The following ARHGAP44 variants were observed in gnomAD, a reference collection of about 807,000 sequenced individuals.
ARHGAP44 encodes Rho GTPase activating protein 44, also known as rho GTPase-activating protein 44.
Under a neutral mutation model 106.8 loss-of-function variants are expected in ARHGAP44, and 43 were observed. The observed-to-expected ratio is 0.40, with a 90% CI of 0.32 to 0.52. The LOEUF (loss-of-function observed/expected upper bound fraction) is 0.52, where lower values mean the gene tolerates loss of function less well. Among genes scored for constraint, ARHGAP44 ranks in the 20% least tolerant of loss-of-function variants. The pLI is 0.48. For synonymous variants in ARHGAP44, 439 were observed against 410.3 expected (o/e 1.07, Z -0.85); for missense variants, 866 against 1,050.5 (o/e 0.82, Z 2.43).
intron 1 of ARHGAP44, among the ~76,000 whole-genome samples, chr17:12,822,590 G>A (rs1477528385): frequency 6.6e-6 from 1 of 152,198 alleles, no homozygotes; most frequent in African/African-American, 2.4e-5. Context: ...AGTCTAGAAT[G>A]CAAGCCATTG....
At chr17:12,851,435 C>T (rs2035736110) in intron 1 of ARHGAP44, among the ~76,000 whole-genome samples, 1 of 145,082 alleles carries the variant, frequency 6.9e-6, no homozygotes, top group African/African-American at 2.7e-5. Context: ...CTCACTGCTC[C>T]ATGACACATG....
At chr17:12,888,064 T>C (rs2036934106) in intron 1 of ARHGAP44, among the ~76,000 whole-genome samples, 2 of 152,034 alleles carry the variant, frequency 1.3e-5, no homozygotes, top group Admixed American at 1.3e-4. Context: ...AACTCGCTCT[T>C]TGAGTTTCTT....
intron 10 of ARHGAP44, among the ~76,000 whole-genome samples, chr17:12,944,652 A>ATTTT (rs5819393): frequency 1.5e-5 from 2 of 137,456 alleles, no homozygotes; most frequent in Admixed American, 7.3e-5. Flanking sequence ...CGCCCAGCTA[A>ATTTT]TTTTTTTTTT....
intron 12 of ARHGAP44, among the ~76,000 whole-genome samples, chr17:12,952,091 G>A (rs1186906331): frequency 6.6e-6 from 1 of 152,124 alleles, no homozygotes; most frequent in Admixed American, 6.6e-5. Flanking sequence ...CAAGATAGCC[G>A]GAAACTCAAA....
chr17:12,805,801 G>C lies in ARHGAP44; in HGVS notation c.53+15910G>C, dbSNP rs189689637. ...CAGTACCTGTGGAAGGGAGTGAAAA[G>C]AAGCAGGACTAGGCAGAGGGAGTTG... On this transcript the variant is annotated intron_variant, in intron 1 of 20. Coordinates refer to ENST00000379672, the MANE Select transcript of ARHGAP44 (RefSeq NM_014859.6). Among the ~76,000 whole-genome samples the C allele has an allele frequency of 1.5e-4, 23 of 152,330 alleles. 1 individual carries two copies. Among genetic ancestry groups the C allele is most frequent in the Admixed American group, 1.2e-3 (18 of 15,302 alleles).
At chr17:12,978,870 G>T (rs1436874769) in intron 18 of ARHGAP44, among the ~76,000 whole-genome samples, 1 of 151,964 alleles carries the variant, frequency 6.6e-6, no homozygotes, top group Non-Finnish European at 1.5e-5. Flanking sequence ...TGCATTTTTA[G>T]TGTAGACAGG....
intron 1 of ARHGAP44, among the ~76,000 whole-genome samples, chr17:12,837,588 G>A (rs1328142189): frequency 6.6e-6 from 1 of 151,944 alleles, no homozygotes; most frequent in Non-Finnish European, 1.5e-5. Flanking sequence ...GTCATGGGGA[G>A]GGTAACTGCA....
chr17:12,986,834 T>G, intron 20 of ARHGAP44: 1 of 393,432 alleles, frequency 2.5e-6, no homozygotes, highest in East Asian at 3.9e-5. Flanking sequence ...GTGGCTCATG[T>G]TCCATCTTGC....
chr17:12,954,136 G>C (rs1395790552), intron 13 of ARHGAP44, among the ~76,000 whole-genome samples: 1 of 151,538 alleles, frequency 6.6e-6, no homozygotes, highest in Non-Finnish European at 1.5e-5. Flanking sequence ...GGCCACAGGT[G>C]ATCCGCCCGC....
chr17:12,914,067 A>G (rs2150947459), intron 4 of ARHGAP44, among the ~76,000 whole-genome samples: 1 of 152,058 alleles, frequency 6.6e-6, no homozygotes, highest in East Asian at 1.9e-4. Context: ...AAGAGTGAAA[A>G]TCTGCCTTCA....
intron 16 of ARHGAP44, among the ~76,000 whole-genome samples, chr17:12,960,311 T>C (rs1433258114): frequency 6.6e-6 from 1 of 152,140 alleles, no homozygotes; most frequent in Non-Finnish European, 1.5e-5. Context: ...GGCTCACGCC[T>C]ATAATCCCAA....
Position 12,825,525 on chromosome 17 carries a change from G to A in ARHGAP44, c.53+35634G>A, listed in dbSNP as rs80332923. ...TTGTTAAGCTTGAAATCTGCCGGGC[G>A]AGTGGCAGGCTGGAGACCCAAGGGA... On this transcript the variant is annotated intron_variant, in intron 1 of 20. Coordinates refer to ENST00000379672, the MANE Select transcript of ARHGAP44 (RefSeq NM_014859.6). Among the ~76,000 whole-genome samples, 771 of 152,096 alleles carry A rather than the reference G, an allele frequency of 5.1e-3. 8 individuals carry two copies. Among genetic ancestry groups the A allele is most frequent in the African/African-American group, 0.018 (729 of 41,512 alleles).
chr17:12,868,718 C>T (rs974579750), intron 1 of ARHGAP44, among the ~76,000 whole-genome samples: 8 of 149,140 alleles, frequency 5.4e-5, no homozygotes, highest in Admixed American at 2.0e-4. Context: ...AGTGCAATGG[C>T]GCGATCTTGG....
intron 5 of ARHGAP44, 110 bp downstream of exon 5, chr17:12,916,121 A>G: frequency 2.3e-6 from 2 of 858,640 alleles, no homozygotes; most frequent in Non-Finnish European, 3.6e-6. Context: ...CCTTCTCCCC[A>G]ACATTGTTTT....
At chr17:12,857,716 A>G (rs8081426) in intron 1 of ARHGAP44, among the ~76,000 whole-genome samples, 87,312 of 152,048 alleles carry the variant, frequency 0.57, 28,203 homozygotes, top group Non-Finnish European at 0.71. Context: ...CGTATTTTCC[A>G]TAACAGGATA....
chr17:12,978,578 A>G (rs2143390685), intron 18 of ARHGAP44, among the ~76,000 whole-genome samples: 1 of 152,178 alleles, frequency 6.6e-6, no homozygotes, highest in East Asian at 1.9e-4. Context: ...ACCTCAGTGG[A>G]CGAGAGTGCT....
At chr17:12,789,926 C>G (rs1298248148) in intron 1 of ARHGAP44, 35 bp downstream of exon 1, 1 of 1,498,710 alleles carries the variant, frequency 6.7e-7, no homozygotes, top group Admixed American at 2.4e-5. Flanking sequence ...TCGGTGCGCG[C>G]CCGCGAGGCT....
At chr17:12,921,368 C>T (rs1447465133) in intron 6 of ARHGAP44, among the ~76,000 whole-genome samples, 2 of 151,930 alleles carry the variant, frequency 1.3e-5, no homozygotes, top group African/African-American at 4.8e-5. Context: ...AATTTTGAGA[C>T]AGGATCTCAC....
intron 1 of ARHGAP44, among the ~76,000 whole-genome samples, chr17:12,861,566 T>C (rs12946355): frequency 0.6 from 89,636 of 148,848 alleles, 28,173 homozygotes; most frequent in Non-Finnish European, 0.68. Context: ...CACTGGGTTG[T>C]GCTGTCCTCA....
Sources: gnomAD v4.1 joint callset for allele counts (sites outside exome capture counted in the v4.1 genomes callset) on GRCh38, gnomAD v4.1.1 for gene constraint, MANE v1.5 for transcripts, NCBI Gene and HGNC (gene_info 2026-07-23, HGNC 2026-07-21) for gene names.